DOCK2: variants seen among roughly 807,000 people sequenced by gnomAD.
DOCK2 encodes the protein dedicator of cytokinesis protein 2.
A neutral mutation model predicts 248.9 loss-of-function variants in DOCK2; 87 were observed. The observed-to-expected ratio is 0.35, with a 90% confidence interval of 0.29 to 0.42. The LOEUF is 0.42. DOCK2 is among the 10% of genes least tolerant of loss of function. The probability of loss-of-function intolerance (pLI) is 1.00; values close to 1 mark genes in which losing one functional copy is unlikely to be tolerated. For synonymous variants in DOCK2, 805 were observed against 821.6 expected (o/e 0.98, Z 0.35); for missense variants, 1,747 against 2,300.2 (o/e 0.76, Z 4.92).
At chr5:169,933,500 A>G (rs1037970003) in intron 27 of DOCK2, among the ~76,000 whole-genome samples, 1 of 152,264 alleles carries the variant, frequency 6.6e-6, no homozygotes, top group Non-Finnish European at 1.5e-5. Flanking sequence ...AAATAAATTC[A>G]GAACTGTGTT....
At chr5:170,037,729 A>G (rs904470524) in intron 36 of DOCK2, among the ~76,000 whole-genome samples, 1 of 152,048 alleles carries the variant, frequency 6.6e-6, no homozygotes, top group Non-Finnish European at 1.5e-5. Context: ...CAGGTGATCC[A>G]CCCACCTTGG....
chr5:169,936,786 C>T (rs73800248), intron 27 of DOCK2, among the ~76,000 whole-genome samples: 2,029 of 152,140 alleles, frequency 0.013, 40 homozygotes, highest in African/African-American at 0.047. Context: ...CTAATTAAGA[C>T]GTGGCAATGC....
chr5:170,016,015 G>A (rs1021914732), intron 32 of DOCK2, among the ~76,000 whole-genome samples: 1 of 151,982 alleles, frequency 6.6e-6, no homozygotes, highest in Admixed American at 6.6e-5. Flanking sequence ...GTCCACTCCT[G>A]GGAGGAGTGA....
intron 30 of DOCK2, among the ~76,000 whole-genome samples, chr5:170,004,421 G>T (rs1754945357): frequency 6.6e-6 from 1 of 152,082 alleles, no homozygotes; most frequent in Non-Finnish European, 1.5e-5. Context: ...TTCTCTGATG[G>T]CCAGTGATGA....
At chr5:169,903,853 A>T (rs556788909) in intron 27 of DOCK2, among the ~76,000 whole-genome samples, 1 of 151,986 alleles carries the variant, frequency 6.6e-6, no homozygotes, top group Non-Finnish European at 1.5e-5. Context: ...TAATCCCAGC[A>T]CTTTGGGAGG....
intron 27 of DOCK2, among the ~76,000 whole-genome samples, chr5:169,861,437 G>A (rs1321052668): frequency 6.6e-6 from 1 of 152,236 alleles, no homozygotes; most frequent in East Asian, 1.9e-4. Context: ...AAGTTCCAAG[G>A]ATAGTGAGTA....
chr5:169,929,479 G>A (rs1775637098), intron 27 of DOCK2, among the ~76,000 whole-genome samples: 1 of 152,106 alleles, frequency 6.6e-6, no homozygotes, highest in African/African-American at 2.4e-5. Context: ...GCTTATGCCT[G>A]TCATCCCAGC....
At chr5:169,647,057 G>A (rs1025552014) in intron 1 of DOCK2, among the ~76,000 whole-genome samples, 1 of 152,228 alleles carries the variant, frequency 6.6e-6, no homozygotes, top group Non-Finnish European at 1.5e-5. Flanking sequence ...TAGTACTAAT[G>A]TCCCCATTGG....
At chr5:170,032,919 T>C (rs527672171) in intron 34 of DOCK2, among the ~76,000 whole-genome samples, 2 of 152,184 alleles carry the variant, frequency 1.3e-5, no homozygotes, top group South Asian at 4.2e-4. Context: ...GCCTGCATAA[T>C]GTCTACTTGA....
chr5:169,905,645 G>C (rs261047), intron 27 of DOCK2, among the ~76,000 whole-genome samples: 45,791 of 151,960 alleles, frequency 0.3, 7,684 homozygotes, highest in East Asian at 0.55. Flanking sequence ...GGATGGGTGT[G>C]GGGTAGGCAG....
chr5:169,755,627 C>T (rs1581144446), intron 23 of DOCK2, among the ~76,000 whole-genome samples: 1 of 152,062 alleles, frequency 6.6e-6, no homozygotes, highest in African/African-American at 2.4e-5. Flanking sequence ...GCCTATAATC[C>T]CAGCTACTCC....
chr5:170,028,050 A>G (rs1488313826), intron 34 of DOCK2, 102 bp downstream of exon 34: 7 of 984,292 alleles, frequency 7.1e-6, no homozygotes, highest in Middle Eastern at 2.8e-4. Context: ...CCTCCCCTGG[A>G]GATGGATCTA....
chr5:169,679,789 C>T (rs1025630786), intron 6 of DOCK2, among the ~76,000 whole-genome samples: 3 of 152,170 alleles, frequency 2.0e-5, no homozygotes, highest in African/African-American at 7.2e-5. Context: ...AATGGGTGAA[C>T]CTTGGCTCGC....
At chr5:169,693,433 G>A (rs537205867) in intron 9 of DOCK2, among the ~76,000 whole-genome samples, 1 of 152,290 alleles carries the variant, frequency 6.6e-6, no homozygotes, top group South Asian at 2.1e-4. Flanking sequence ...CTGGGAAAGA[G>A]TAGAACTAAT....
chr5:170,016,373 C>T (rs960135903), intron 32 of DOCK2, among the ~76,000 whole-genome samples: 7 of 152,186 alleles, frequency 4.6e-5, no homozygotes, highest in East Asian at 1.9e-4. Flanking sequence ...ATGTGTTCTG[C>T]GTGCATGTGT....
chr5:169,910,119 T>G (rs764347292), intron 27 of DOCK2, among the ~76,000 whole-genome samples: 1 of 152,198 alleles, frequency 6.6e-6, no homozygotes, highest in Non-Finnish European at 1.5e-5. Context: ...TGGTGTTAGC[T>G]GAGCCATATG....
At chr5:169,962,553 C>CT (rs1245601763) in intron 27 of DOCK2, among the ~76,000 whole-genome samples, 1 of 152,162 alleles carries the variant, frequency 6.6e-6, no homozygotes, top group African/African-American at 2.4e-5. Context: ...GTAGTTGTGT[C>CT]TATCACTAGA....
intron 2 of DOCK2, among the ~76,000 whole-genome samples, chr5:169,665,926 A>G (rs557570502): frequency 6.6e-6 from 1 of 152,328 alleles, no homozygotes; most frequent in Admixed American, 6.5e-5. Flanking sequence ...AGATGTGAAA[A>G]GGGAGGATTA....
At chr5:169,739,174 A>G (rs1426100098) in intron 22 of DOCK2, among the ~76,000 whole-genome samples, 1 of 152,248 alleles carries the variant, frequency 6.6e-6, no homozygotes, top group East Asian at 1.9e-4. Context: ...TCAAAGGATG[A>G]AGTTCAATGC....
Sources: gnomAD v4.1 joint callset for allele counts (sites outside exome capture counted in the v4.1 genomes callset) on GRCh38, gnomAD v4.1.1 for gene constraint, MANE v1.5 for transcripts, NCBI Gene and HGNC (gene_info 2026-07-23, HGNC 2026-07-21) for gene names.